Variants in CSMD1 observed in about 807,000 individuals in gnomAD.
CSMD1 encodes the protein CUB and sushi domain-containing protein 1.
Under a neutral mutation model 417.5 loss-of-function variants are expected in CSMD1, and 213 were observed. The observed-to-expected ratio is 0.51, with a 90% CI of 0.46 to 0.57. The LOEUF (loss-of-function observed/expected upper bound fraction) is 0.57. Ranked by LOEUF, CSMD1 falls within the 20% of genes least tolerant of loss-of-function variation. The pLI, the probability that CSMD1 is intolerant of heterozygous loss-of-function variation, is 0.00. For missense variants in CSMD1, 6,923 were observed against 4,529.7 expected (o/e 1.53, Z -15.17); for synonymous variants, 2,862 against 1,736.8 (o/e 1.65, Z -16.11).
At position 3,615,642 on chromosome 8, in the gene CSMD1, C is replaced by T. The variant is rs150815668; in HGVS notation, c.1097+1068G>A. ...TCTTATTTTTCTATTGCTTTTAAAA[C>T]GACCGTTGTTACTCCAATTTAACTA... On this transcript the variant is annotated intron_variant, in intron 8 of 69. Transcript: ENST00000635120. Among the ~76,000 whole-genome samples, 173 of 152,230 alleles carry T rather than the reference C, an allele frequency of 1.1e-3. 1 individual carries two copies. The highest frequency in any genetic ancestry group is 3.9e-3 in the African/African-American group (163 of 41,560).
intron 1 of CSMD1, among the ~76,000 whole-genome samples, chr8:4,812,481 G>A (rs1056389808): frequency 8.5e-5 from 13 of 152,204 alleles, no homozygotes; most frequent in Middle Eastern, 3.4e-3. Context: ...TAATACTTAA[G>A]TTGACAGATA....
rs565534731 is a variant in CSMD1, at chr8:3,065,605, G to C, written c.7475-12958C>G. 3.9e-5 allele frequency among the ~76,000 whole-genome samples: 6 copies of C among 152,212 alleles called. No individual in the cohort carries two copies. The South Asian group carries it at 1.2e-3, about 32-fold the overall frequency. On this transcript the variant is annotated intron_variant, in intron 49 of 69. Coordinates refer to ENST00000635120, the MANE Select transcript of CSMD1 (RefSeq NM_033225.6). ...AGATACACAGATCGATAGGAAGATA[G>C]AAAGATAGGAAGATGATAGGAAGAT...
In CSMD1 at chr8:4,279,525, G is replaced by C. The variant is rs958079143; in HGVS notation, c.415+140428C>G. 2.0e-5 allele frequency among the ~76,000 whole-genome samples: 3 copies of C among 152,118 alleles called. 1 individual carries two copies. Among genetic ancestry groups the C allele is most frequent in the Non-Finnish European group, 4.4e-5 (3 of 68,026 alleles). On this transcript the variant is annotated intron_variant, in intron 3 of 69. Coordinates refer to ENST00000635120, the MANE Select transcript of CSMD1 (RefSeq NM_033225.6). ...TTATTACTCAATGTCAATACAGTGT[G>C]GTTAGTGCAACTTTAGCAATGTATC...
intron 7 of CSMD1, among the ~76,000 whole-genome samples, chr8:3,630,166 T>C (rs1033223453): frequency 6.6e-5 from 10 of 152,262 alleles, no homozygotes; most frequent in African/African-American, 2.4e-4. Context: ...ATTGACTGAA[T>C]GCCTGGTACA....
At chr8:3,251,155 T>G (rs1180055625) in intron 26 of CSMD1, among the ~76,000 whole-genome samples, 1 of 152,182 alleles carries the variant, frequency 6.6e-6, no homozygotes, top group Non-Finnish European at 1.5e-5. Context: ...ATGTCCTGAA[T>G]GGTATTGCCT....
intron 4 of CSMD1, among the ~76,000 whole-genome samples, chr8:4,016,862 G>C (rs2688388): frequency 1.3e-5 from 2 of 152,034 alleles, no homozygotes; most frequent in East Asian, 3.9e-4. Context: ...AAGAACAGCA[G>C]TTTTAGTTGG....
At chr8:3,150,997 T>C (rs1431861411) in intron 40 of CSMD1, among the ~76,000 whole-genome samples, 3 of 152,204 alleles carry the variant, frequency 2.0e-5, no homozygotes, top group Non-Finnish European at 4.4e-5. Flanking sequence ...AAAGTTGTTT[T>C]ATATTTAAAA....
chr8:3,317,468 C>G (rs931149264), intron 23 of CSMD1, among the ~76,000 whole-genome samples: 1 of 152,098 alleles, frequency 6.6e-6, no homozygotes, highest in African/African-American at 2.4e-5. Context: ...TGTTCTGGTG[C>G]CTGTTTTCTA....
intron 18 of CSMD1, among the ~76,000 whole-genome samples, chr8:3,385,079 T>C (rs1445313351): frequency 2.8e-5 from 3 of 108,402 alleles, no homozygotes; most frequent in African/African-American, 1.2e-4. Flanking sequence ...AATATATATA[T>C]AATTTATATA....
chr8:4,241,446 C>T (rs569549288), intron 3 of CSMD1, among the ~76,000 whole-genome samples: 1 of 152,296 alleles, frequency 6.6e-6, no homozygotes, highest in African/African-American at 2.4e-5. Context: ...TTATCTCAGT[C>T]ACTACATCTC....
At chr8:3,419,494 T>C (rs1420399631) in intron 12 of CSMD1, among the ~76,000 whole-genome samples, 2 of 152,216 alleles carry the variant, frequency 1.3e-5, no homozygotes, top group Admixed American at 6.5e-5. Flanking sequence ...ACACTGATTT[T>C]TAATAAAAAC....
chr8:4,162,952 C>G (rs1797254572), intron 3 of CSMD1, among the ~76,000 whole-genome samples: 2 of 152,174 alleles, frequency 1.3e-5, no homozygotes, highest in Admixed American at 6.5e-5. Context: ...TACAGTTCTG[C>G]CTTTTCCAAA....
chr8:3,479,941 G>T (rs895167301), intron 11 of CSMD1, among the ~76,000 whole-genome samples: 1 of 152,114 alleles, frequency 6.6e-6, no homozygotes, highest in Non-Finnish European at 1.5e-5. Flanking sequence ...AAAAATAACA[G>T]AAGAGAAAAC....
At chr8:3,097,763 G>A (rs1034854153) in intron 46 of CSMD1, among the ~76,000 whole-genome samples, 2 of 152,110 alleles carry the variant, frequency 1.3e-5, no homozygotes, top group Admixed American at 6.5e-5. Context: ...CGGATCGGGG[G>A]TGGGGGGAAC....
At chr8:4,588,606 G>A (rs1477406103) in intron 2 of CSMD1, among the ~76,000 whole-genome samples, 2 of 151,846 alleles carry the variant, frequency 1.3e-5, no homozygotes, top group African/African-American at 4.8e-5. Context: ...TTAACACGGT[G>A]AAACCCCATC....
At chr8:3,651,071 A>T (rs1273954101) in intron 7 of CSMD1, among the ~76,000 whole-genome samples, 1 of 152,130 alleles carries the variant, frequency 6.6e-6, no homozygotes, top group African/African-American at 2.4e-5. Context: ...TGAGCTCCAT[A>T]TTCAAGATTC....
At chr8:4,489,065 C>T (rs1332082859) in intron 2 of CSMD1, among the ~76,000 whole-genome samples, 1 of 152,158 alleles carries the variant, frequency 6.6e-6, no homozygotes, top group African/African-American at 2.4e-5. Flanking sequence ...TGCGTGCCAC[C>T]ACACACAGCT....
At chr8:4,456,186 A>C (rs1024478905) in intron 2 of CSMD1, among the ~76,000 whole-genome samples, 1 of 152,052 alleles carries the variant, frequency 6.6e-6, no homozygotes, top group African/African-American at 2.4e-5. Context: ...GCATGACACA[A>C]ACTTTATTAC....
chr8:4,781,464 A>T (rs1159718739), intron 1 of CSMD1, among the ~76,000 whole-genome samples: 1 of 152,234 alleles, frequency 6.6e-6, no homozygotes, highest in East Asian at 1.9e-4. Flanking sequence ...GATGTTTAGC[A>T]TGGAGGCAAC....
Sources: gnomAD v4.1 joint callset for allele counts (sites outside exome capture counted in the v4.1 genomes callset) on GRCh38, gnomAD v4.1.1 for gene constraint, MANE v1.5 for transcripts, NCBI Gene and HGNC (gene_info 2026-07-23, HGNC 2026-07-21) for gene names.